Variants in PTDSS2 observed in about 807,000 individuals in gnomAD.
PTDSS2 encodes phosphatidylserine synthase 2, also known as PSS-2.
PTDSS2 carries 41 observed loss-of-function variants against 64.7 expected under a neutral mutation model. The observed-to-expected ratio is 0.63, with a 90% CI of 0.49 to 0.82. PTDSS2 has a LOEUF of 0.82. Among genes scored for constraint, PTDSS2 ranks in the 40% least tolerant of loss-of-function variants. The pLI is 0.00. For synonymous variants in PTDSS2, 297 were observed against 277.8 expected, an observed-to-expected ratio of 1.07 and a Z score of -0.69; for missense variants, 485 against 650.0, an observed-to-expected ratio of 0.75 and a Z score of 2.76.
At chr11:477,080 C>T (rs946456470) in intron 3 of PTDSS2, among the ~76,000 whole-genome samples, 1 of 152,210 alleles carries the variant, frequency 6.6e-6, no homozygotes, top group Non-Finnish European at 1.5e-5. Context: ...TGCCCACCTT[C>T]ACACTCCCCT....
intron 11 of PTDSS2, 36 bp downstream of exon 11, chr11:490,104 G>A: frequency 1.3e-6 from 2 of 1,570,908 alleles, no homozygotes; most frequent in Non-Finnish European, 1.7e-6. Flanking sequence ...TCTGAAGGAG[G>A]GCCGCTGTCC....
At position 450,385 on chromosome 11, in the gene PTDSS2, C is replaced by T. The variant is rs1846259861; in HGVS notation, c.-71C>T. On this transcript the variant is annotated 5_prime_UTR_variant, in exon 1 of 12. Transcript: ENST00000308020. The stretch of plus-strand genomic sequence containing the variant: ...AGCGCTCCTCGCGCTGTGTGCGGCG[C>T]GTCCTCTCGCCGGTGACCCGGTGTG... 8.5e-7 allele frequency: 1 copy of T among 1,181,032 alleles called. No homozygotes were observed. The highest frequency in any genetic ancestry group is 1.1e-6 in the Non-Finnish European group (1 of 945,416). 73.2% of individuals were successfully genotyped at this position (1,181,032 alleles called of 1,614,324 possible).
Position 479,976 on chromosome 11 carries a change from G to A in PTDSS2, c.435+824G>A, listed in dbSNP as rs1184059710. ...TTTTCTGAGGCAGTGTACATTCTGT[G>A]AATTTTAGCATTTGTGTAGACTTCT... On this transcript the variant is annotated intron_variant, in intron 4 of 11. Coordinates refer to ENST00000308020, the MANE Select transcript of PTDSS2 (RefSeq NM_030783.3). The surrounding 1 kb of genome is among the most constrained non-coding windows in gnomAD (Gnocchi z 4.2). 1.3e-5 allele frequency: 2 copies of A among 152,308 alleles called. No individual in the cohort carries two copies. The highest frequency in any genetic ancestry group is 2.4e-5 in the African/African-American group (1 of 41,424). 9.4% of individuals were successfully genotyped at this position (152,308 alleles called of 1,614,324 possible).
At chr11:458,441 G>C (rs34612778) in intron 1 of PTDSS2, among the ~76,000 whole-genome samples, 14,710 of 150,270 alleles carry the variant, frequency 0.098, 993 homozygotes, top group Admixed American at 0.19. Context: ...TCCTGACCTC[G>C]TGATCCGCCC....
rs1264346631 is a variant in PTDSS2, at chr11:470,073, C to T, written c.285-3822C>T. ...GGTTTTCAGTAAATGAGGTAGATCC[C>T]CCCATTCCAGGAGCTGGCGTGAGCT... On this transcript the variant is annotated intron_variant, in intron 2 of 11. Transcript: ENST00000308020. The surrounding 1 kb of genome is among the most constrained non-coding windows in gnomAD (Gnocchi z 5.3). Among the ~76,000 whole-genome samples, 3 of 152,208 alleles carry T rather than the reference C, an allele frequency of 2.0e-5. No individual in the cohort carries two copies. The highest frequency in any genetic ancestry group is 4.4e-5 in the Non-Finnish European group (3 of 68,042).
At chr11:478,489 G>A (rs1020873060) in intron 3 of PTDSS2, among the ~76,000 whole-genome samples, 2 of 151,884 alleles carry the variant, frequency 1.3e-5, no homozygotes, top group Non-Finnish European at 2.9e-5. Flanking sequence ...GCTCACACCT[G>A]TAATCCCAGC....
intron 2 of PTDSS2, among the ~76,000 whole-genome samples, chr11:465,761 C>CA (rs1049665340): frequency 3.0e-4 from 45 of 151,364 alleles, no homozygotes; most frequent in Non-Finnish European, 5.0e-4. Context: ...CCACCCCCCC[C>CA]CCATCTCTAC....
At chr11:488,740 C>A in intron 8 of PTDSS2, 93 bp downstream of exon 8, 1 of 916,234 alleles carries the variant, frequency 1.1e-6, no homozygotes, top group African/African-American at 1.6e-5. Context: ...AGCACCAGGC[C>A]CGTCCAGTGT....
chr11:487,097 CGAGCCCCTCCCCAGGT>C, intron 5 of PTDSS2, 24 bp downstream of exon 5: 1 of 1,602,898 alleles, frequency 6.2e-7, no homozygotes, highest in Non-Finnish European at 8.5e-7. Context: ...GGCCCTGAGG[CGAGCCCCTCCCCAGGT>C]GTGGCCCCGT....
chr11:487,083 C>CG lies in PTDSS2; in HGVS notation c.570+15dup, dbSNP rs908588785. The CG allele has an allele frequency of 6.2e-7, 1 of 1,609,708 alleles. No individual in the cohort carries two copies. Among genetic ancestry groups the CG allele is most frequent in the African/African-American group, 1.3e-5 (1 of 74,946 alleles). On this transcript the variant is annotated intron_variant, in intron 5 of 11. Transcript: ENST00000308020. ...CTTTCACAACATCTGGGTAAGACGCCGGGGGCCCTGAGGCGAGCCCCTCCC... is the reference window on the plus strand; with the variant it reads ...CTTTCACAACATCTGGGTAAGACGCCGGGGGGCCCTGAGGCGAGCCCCTCCC...
rs200134879 is a variant in PTDSS2 at position 489,501 on chromosome 11, G to A, written c.956G>A (p.Gly319Asp). The change falls in exon 9 of 12, where the codon GGC becomes GAC. Residue 319 changes from glycine (G) to aspartate (D), a missense_variant. Transcript: ENST00000308020. Reference protein sequence around the residue: ...SSLRRWLAVCGIILVFLLAEL... With the variant: ...SSLRRWLAVCDIILVFLLAEL... ...CTGCGTCGCTGGCTGGCCGTGTGCG[G>A]CATCATCCTGGTGGTAAGGCCGGGC... 6.2e-7 allele frequency: 1 copy of A among 1,613,054 alleles called. No individual in the cohort carries two copies. Among genetic ancestry groups the A allele is most frequent in the Admixed American group, 1.7e-5 (1 of 60,000 alleles).
At chr11:472,481 G>A (rs1847513229) in intron 2 of PTDSS2, among the ~76,000 whole-genome samples, 1 of 152,214 alleles carries the variant, frequency 6.6e-6, no homozygotes, top group Admixed American at 6.5e-5. Context: ...GTGGAGACCG[G>A]GTCAGAAACT....
chr11:485,951 C>G (rs1323567169), intron 4 of PTDSS2, among the ~76,000 whole-genome samples: 4 of 120,490 alleles, frequency 3.3e-5, no homozygotes, highest in Admixed American at 1.7e-4. Flanking sequence ...CGAGCGTAAA[C>G]AGTGCACGGG....
At chr11:468,188 C>T (rs1239932012) in intron 2 of PTDSS2, among the ~76,000 whole-genome samples, 1 of 152,204 alleles carries the variant, frequency 6.6e-6, no homozygotes, top group East Asian at 1.9e-4. Flanking sequence ...ATACATGTTT[C>T]TATAAATACA....
chr11:476,422 A>T lies in PTDSS2; in HGVS notation c.367+2445A>T, dbSNP rs1847806610. ...ACACAGTGAAAAGCCTGGTGCAGTT[A>T]CGTGCTTGTTGGGTGGATTTGGAGG... On this transcript the variant is annotated intron_variant, in intron 3 of 11. Coordinates refer to ENST00000308020, the MANE Select transcript of PTDSS2 (RefSeq NM_030783.3). This position sits in a 1 kb window ranked among gnomAD's most constrained non-coding sequence, Gnocchi z 4.9. 6.6e-6 allele frequency among the ~76,000 whole-genome samples: 1 copy of T among 152,186 alleles called. No individual in the cohort carries two copies. The highest frequency in any genetic ancestry group is 2.1e-4 in the South Asian group (1 of 4,834).
intron 3 of PTDSS2, among the ~76,000 whole-genome samples, chr11:475,537 CATTCACGCGTTTGTGTGTAGGACAT>C (rs1471117235): frequency 3.4e-5 from 5 of 146,176 alleles, no homozygotes; most frequent in South Asian, 2.2e-4. Flanking sequence ...GTGATACGGA[CATTCACGCGTTTGTGTGTAGGACAT>C]ATTCACGCGT....
At chr11:483,351 G>C (rs1848152103) in intron 4 of PTDSS2, among the ~76,000 whole-genome samples, 2 of 149,140 alleles carry the variant, frequency 1.3e-5, no homozygotes, top group South Asian at 2.2e-4. Flanking sequence ...ACCGAGTGCA[G>C]AAAGTTCTGT....
At chr11:487,659 G>A (rs1028460635) in intron 6 of PTDSS2, among the ~76,000 whole-genome samples, 189 bp downstream of exon 6, 4 of 152,154 alleles carry the variant, frequency 2.6e-5, no homozygotes, top group East Asian at 3.9e-4. Flanking sequence ...GATCCTGGTC[G>A]GGTCCCCGCT....
intron 1 of PTDSS2, chr11:459,181 C>G (rs1279372963): frequency 7.1e-5 from 3 of 42,156 alleles, no homozygotes; most frequent in African/African-American, 1.3e-4. Context: ...TGAGGACACA[C>G]TCCGGTGGAT....
Sources: allele counts gnomAD v4.1 joint callset (sites outside exome capture counted in the v4.1 genomes callset), GRCh38; gene constraint gnomAD v4.1.1; non-coding constraint Gnocchi (gnomAD v3.1); transcripts MANE v1.5; gene names NCBI Gene and HGNC (gene_info 2026-07-23, HGNC 2026-07-21).